The following SUSD5 variants were observed in gnomAD, a reference collection of about 807,000 sequenced individuals.
SUSD5 encodes the protein sushi domain containing 5, also known as sushi domain-containing protein 5.
A neutral mutation model predicts 29.5 loss-of-function variants in SUSD5; 33 were observed. The ratio of observed to expected loss-of-function variants is 1.12; its 90% CI spans 0.85 to 1.49. The LOEUF is 1.49. SUSD5 is among the 40% of genes most tolerant of loss of function. The pLI is 0.00. For synonymous variants in SUSD5, 308 were observed against 325.3 expected, an observed-to-expected ratio of 0.95 and a Z score of 0.57; for missense variants, 776 against 800.6, an observed-to-expected ratio of 0.97 and a Z score of 0.37.
At chr3:33,184,746 T>A (rs1177301158) in intron 3 of SUSD5, among the ~76,000 whole-genome samples, 1 of 152,234 alleles carries the variant, frequency 6.6e-6, no homozygotes, top group Non-Finnish European at 1.5e-5. Flanking sequence ...ATCTCTCACA[T>A]TTCTTTTTGA....
intron 4 of SUSD5, among the ~76,000 whole-genome samples, chr3:33,161,622 A>T (rs935348188): frequency 6.6e-6 from 1 of 152,164 alleles, no homozygotes; most frequent in Non-Finnish European, 1.5e-5. Flanking sequence ...GGTATTTATA[A>T]GAGACACACT....
rs182315454 is a variant in SUSD5, at chr3:33,216,108, C to G, written c.113-2003G>C. 4.5e-3 allele frequency among the ~76,000 whole-genome samples: 685 copies of G among 151,616 alleles called. 7 individuals are homozygous for G. The highest frequency in any genetic ancestry group is 7.3e-3 in the Non-Finnish European group (497 of 67,826). On this transcript the variant is annotated intron_variant, in intron 1 of 4. Coordinates refer to ENST00000309558, the MANE Select transcript of SUSD5 (RefSeq NM_015551.2). ...AAACCCCTACTAAGACTGATCAAGA[C>G]AAAAAAAGAGAAAACACAAAGTACC... is the stretch of plus-strand genomic sequence containing the variant.
In SUSD5 at chr3:33,204,069, A is replaced by T. The variant is rs189690884; in HGVS notation, c.409+3739T>A. ...AGCTGGGAATACAGGGTGCGCCACC[A>T]TGCCTGGCTAATTTTTTTTATTTTT... On this transcript the variant is annotated intron_variant, in intron 3 of 4. Coordinates refer to ENST00000309558, the MANE Select transcript of SUSD5 (RefSeq NM_015551.2). This position sits in a 1 kb window ranked among gnomAD's most constrained non-coding sequence, Gnocchi z 4.5. Among the ~76,000 whole-genome samples the T allele has an allele frequency of 9.2e-5, 14 of 151,942 alleles. No individual in the cohort carries two copies. Among genetic ancestry groups the T allele is most frequent in the Admixed American group, 6.6e-4 (10 of 15,264 alleles).
intron 4 of SUSD5, chr3:33,168,506 G>C (rs2031353822): frequency 1.0e-6 from 1 of 985,098 alleles, no homozygotes. Flanking sequence ...TGAGAAAAGA[G>C]CAAAGGAACT....
intron 3 of SUSD5, among the ~76,000 whole-genome samples, chr3:33,179,225 T>C (rs1358882204): frequency 6.6e-6 from 1 of 152,252 alleles, no homozygotes; most frequent in Non-Finnish European, 1.5e-5. Context: ...TCCTTTATTA[T>C]CCTTTTAATG....
At chr3:33,203,565 T>C (rs1294145272) in intron 3 of SUSD5, among the ~76,000 whole-genome samples, 1 of 152,214 alleles carries the variant, frequency 6.6e-6, no homozygotes, top group Non-Finnish European at 1.5e-5. Flanking sequence ...TCTTTTCAAA[T>C]GGCATCCAGT....
intron 3 of SUSD5, among the ~76,000 whole-genome samples, chr3:33,194,044 T>C (rs2031948015): frequency 6.6e-6 from 1 of 152,188 alleles, no homozygotes. Context: ...AACCTAAGAT[T>C]GGTGTTTGAG....
rs1037695857 is a variant in SUSD5 at position 33,167,453 on chromosome 3, T to C, written c.598+7433A>G. On this transcript the variant is annotated intron_variant, in intron 4 of 4. Transcript: ENST00000309558. The surrounding 1 kb of genome is among the most constrained non-coding windows in gnomAD (Gnocchi z 4.1). ...TGTGTATGCATGGATGTGCATGTGA[T>C]TGTGTGTGTATGTGTGTGTGTGTCT... Among the ~76,000 whole-genome samples the C allele has an allele frequency of 3.3e-5, 5 of 151,864 alleles. No individual in the cohort carries two copies. Among genetic ancestry groups the C allele is most frequent in the Non-Finnish European group, 5.9e-5 (4 of 67,942 alleles).
chr3:33,203,449 A>G (rs761690531), intron 3 of SUSD5, among the ~76,000 whole-genome samples: 1 of 152,220 alleles, frequency 6.6e-6, no homozygotes, highest in Non-Finnish European at 1.5e-5. Flanking sequence ...TCTTCCCTGT[A>G]GCCTTTGCCC....
intron 2 of SUSD5, among the ~76,000 whole-genome samples, chr3:33,213,714 C>G (rs917251340): frequency 3.9e-5 from 6 of 151,996 alleles, no homozygotes; most frequent in Admixed American, 1.3e-4. Flanking sequence ...GTGGAGGTTG[C>G]AGTGAGCCTA....
At chr3:33,176,156 G>C (rs1367509928) in intron 3 of SUSD5, among the ~76,000 whole-genome samples, 1 of 152,186 alleles carries the variant, frequency 6.6e-6, no homozygotes, top group Non-Finnish European at 1.5e-5. Flanking sequence ...GCTCCTCCAT[G>C]TCTTCTTATG....
chr3:33,191,438 CT>C (rs1462772017), intron 3 of SUSD5, among the ~76,000 whole-genome samples: 3 of 152,004 alleles, frequency 2.0e-5, no homozygotes, highest in East Asian at 1.9e-4. Flanking sequence ...CCTAGTATAC[CT>C]TTTTTTCCCT....
chr3:33,211,429 C>A (rs187773822), intron 2 of SUSD5, among the ~76,000 whole-genome samples: 1 of 152,282 alleles, frequency 6.6e-6, no homozygotes, highest in Non-Finnish European at 1.5e-5. Context: ...TACTTGACTA[C>A]ATTATGGAAA....
intron 3 of SUSD5, among the ~76,000 whole-genome samples, chr3:33,195,164 C>T (rs533541696): frequency 6.6e-6 from 1 of 152,300 alleles, no homozygotes; most frequent in South Asian, 2.1e-4. Context: ...CACTGCACTC[C>T]AGCCTGGGGG....
rs751272541 is a variant in SUSD5, at chr3:33,153,919, C to T, written c.713G>A (p.Gly238Glu). The change falls in exon 5 of 5, where the codon GGA becomes GAA. Residue 238 changes from glycine to glutamate, a missense_variant. Gly to Glu is a moderately conservative substitution (Grantham distance 98). Coordinates refer to ENST00000309558, the MANE Select transcript of SUSD5 (RefSeq NM_015551.2). Reference sequence around the variant, plus strand: ...TTTTGGAGCCTCCTCAGAGGAGTCTCCCTGACCCCTGTCCTCATCTGCCTC... The same window carrying T: ...TTTTGGAGCCTCCTCAGAGGAGTCTTCCTGACCCCTGTCCTCATCTGCCTC... ...RTEADEDRGQ[G>E]DSSEEAPKQD... is the part of the protein sequence containing the mutation. 6.2e-7 allele frequency: 1 copy of T among 1,613,958 alleles called. No homozygotes were observed. The highest frequency in any genetic ancestry group is 1.1e-5 in the South Asian group (1 of 91,082).
At chr3:33,175,513 G>T (rs975947012) in intron 3 of SUSD5, among the ~76,000 whole-genome samples, 1 of 151,298 alleles carries the variant, frequency 6.6e-6, no homozygotes, top group South Asian at 2.1e-4. Flanking sequence ...AACACCAACA[G>T]CAACACCGTT....
chr3:33,181,802 G>A (rs2031678765), intron 3 of SUSD5, among the ~76,000 whole-genome samples: 1 of 152,306 alleles, frequency 6.6e-6, no homozygotes, highest in Admixed American at 6.5e-5. Context: ...GTACAGGTTT[G>A]TAGCCAAGGA....
At chr3:33,199,966 C>G (rs189974554) in intron 3 of SUSD5, among the ~76,000 whole-genome samples, 1 of 152,302 alleles carries the variant, frequency 6.6e-6, no homozygotes, top group Admixed American at 6.5e-5. Context: ...AAGGCTCTTG[C>G]TAGATGCTGG....
intron 4 of SUSD5, among the ~76,000 whole-genome samples, chr3:33,169,380 C>G (rs1369085137): frequency 1.3e-5 from 2 of 152,280 alleles, no homozygotes; most frequent in South Asian, 4.1e-4. Context: ...GCCACCACGC[C>G]CGGCTAAGTT....
Sources: allele counts gnomAD v4.1 joint callset (sites outside exome capture counted in the v4.1 genomes callset), GRCh38; gene constraint gnomAD v4.1.1; non-coding constraint Gnocchi (gnomAD v3.1); transcripts MANE v1.5; gene names NCBI Gene and HGNC (gene_info 2026-07-23, HGNC 2026-07-21).